Variants in FOXN3 observed in about 807,000 individuals in gnomAD.
The protein encoded by FOXN3 is forkhead box N3.
A neutral mutation model predicts 38.4 loss-of-function variants in FOXN3; 7 were observed. The observed-to-expected ratio is 0.18, with a 90% CI of 0.10 to 0.34. The LOEUF (loss-of-function observed/expected upper bound fraction) is 0.34. Among genes scored for constraint, FOXN3 ranks in the 10% least tolerant of loss-of-function variants. The pLI, the probability that FOXN3 is intolerant of heterozygous loss-of-function variation, is 1.00. For synonymous variants in FOXN3, 230 were observed against 242.2 expected (o/e 0.95, Z 0.47); for missense variants, 456 against 613.4 (o/e 0.74, Z 2.71).
intron 2 of FOXN3, among the ~76,000 whole-genome samples, chr14:89,402,524 CAA>C (rs1395694236): frequency 5.9e-5 from 9 of 152,200 alleles, no homozygotes; most frequent in African/African-American, 1.9e-4. Context: ...ATGGATCAGG[CAA>C]AAGAGTCCAT....
chr14:89,322,041 C>A (rs559916457), intron 3 of FOXN3, among the ~76,000 whole-genome samples: 2 of 152,338 alleles, frequency 1.3e-5, no homozygotes, highest in Non-Finnish European at 2.9e-5. Flanking sequence ...GATACTGCAA[C>A]CCTCTTTGGG....
intron 1 of FOXN3, among the ~76,000 whole-genome samples, chr14:89,564,752 G>A (rs2139884671): frequency 6.6e-6 from 1 of 151,978 alleles, no homozygotes; most frequent in South Asian, 2.1e-4. Context: ...TAGTTAAGAT[G>A]AGGTCATCCC....
intron 3 of FOXN3, among the ~76,000 whole-genome samples, chr14:89,294,527 C>T (rs879836242): frequency 1.3e-5 from 2 of 152,158 alleles, no homozygotes; most frequent in African/African-American, 2.4e-5. Flanking sequence ...GGGCTGCCTA[C>T]CCAGATGGTG....
intron 5 of FOXN3, among the ~76,000 whole-genome samples, chr14:89,171,915 GA>G (rs577127112): frequency 3.3e-5 from 5 of 151,990 alleles, no homozygotes; most frequent in East Asian, 1.9e-4. Flanking sequence ...AATAATTAGG[GA>G]AAAAAACCCC....
intron 3 of FOXN3, among the ~76,000 whole-genome samples, chr14:89,291,857 G>C (rs568084322): frequency 6.6e-6 from 1 of 152,250 alleles, no homozygotes; most frequent in East Asian, 1.9e-4. Context: ...ACTGTGGATG[G>C]TAAGATGCTC....
At chr14:89,195,825 G>A (rs1888085025) in intron 4 of FOXN3, among the ~76,000 whole-genome samples, 5 of 152,130 alleles carry the variant, frequency 3.3e-5, no homozygotes, top group Admixed American at 2.6e-4. Flanking sequence ...TGGATGGGCA[G>A]GGTCCTCCCA....
At chr14:89,586,847 C>CA (rs2139919569) in intron 1 of FOXN3, among the ~76,000 whole-genome samples, 1 of 151,998 alleles carries the variant, frequency 6.6e-6, no homozygotes, top group African/African-American at 2.4e-5. Context: ...CCTATCAATG[C>CA]AAAAAGGGAA....
chr14:89,198,717 A>G (rs1888159824), intron 4 of FOXN3, among the ~76,000 whole-genome samples: 1 of 152,214 alleles, frequency 6.6e-6, no homozygotes, highest in Admixed American at 6.5e-5. Flanking sequence ...GCTGCTCAAC[A>G]TTCTACAGCG....
At chr14:89,440,394 G>A (rs1347589069) in intron 1 of FOXN3, among the ~76,000 whole-genome samples, 7 of 152,230 alleles carry the variant, frequency 4.6e-5, no homozygotes, top group Admixed American at 6.5e-5. Flanking sequence ...CCAAGCCATC[G>A]CATCCCCTGT....
intron 1 of FOXN3, among the ~76,000 whole-genome samples, chr14:89,557,985 G>A (rs143520804): frequency 2.6e-5 from 4 of 152,230 alleles, no homozygotes; most frequent in Middle Eastern, 3.4e-3. Flanking sequence ...CAGCCTAGGC[G>A]ACAGGGCAAG....
At chr14:89,461,259 C>G (rs1299716689) in intron 1 of FOXN3, among the ~76,000 whole-genome samples, 1 of 151,878 alleles carries the variant, frequency 6.6e-6, no homozygotes, top group African/African-American at 2.4e-5. Flanking sequence ...ATCGCTTGAA[C>G]CTGGGATGTG....
intron 1 of FOXN3, among the ~76,000 whole-genome samples, chr14:89,526,641 A>G (rs1448686488): frequency 6.6e-6 from 1 of 152,220 alleles, no homozygotes; most frequent in Non-Finnish European, 1.5e-5. Flanking sequence ...TGTTCATGGA[A>G]GATTCACTAT....
intron 1 of FOXN3, among the ~76,000 whole-genome samples, chr14:89,415,115 C>T (rs1184418114): frequency 6.6e-6 from 1 of 152,144 alleles, no homozygotes; most frequent in African/African-American, 2.4e-5. Flanking sequence ...CAGATCCCAT[C>T]AGAAAATTTT....
chr14:89,511,862 A>G (rs907086551), intron 1 of FOXN3, among the ~76,000 whole-genome samples: 5 of 152,324 alleles, frequency 3.3e-5, no homozygotes, highest in African/African-American at 9.6e-5. Flanking sequence ...AACAAGAAGA[A>G]TAAGTGCCCA....
chr14:89,466,698 A>T (rs1892980260), intron 1 of FOXN3, among the ~76,000 whole-genome samples: 1 of 152,148 alleles, frequency 6.6e-6, no homozygotes, highest in South Asian at 2.1e-4. Flanking sequence ...CTCCCTAACT[A>T]AAGCCACCCC....
At position 89,269,687 on chromosome 14, in the gene FOXN3, C is replaced by T. The variant is rs1007010118; in HGVS notation, c.745+11263G>A. ...CCTTCAACTGGGCCTGAGCAAGTGCCGGAGAGGTGGCCTTTTGACATTGGA... is the reference window on the plus strand; with the variant it reads ...CCTTCAACTGGGCCTGAGCAAGTGCTGGAGAGGTGGCCTTTTGACATTGGA... On this transcript the variant is annotated intron_variant, in intron 4 of 5. Transcript: ENST00000557258. Among the ~76,000 whole-genome samples, 14 of 152,148 alleles carry T rather than the reference C, an allele frequency of 9.2e-5. No individual in the cohort carries two copies. In the East Asian group the frequency reaches 1.4e-3, roughly 15 times the overall value.
At chr14:89,311,403 C>T (rs1321594383) in intron 3 of FOXN3, among the ~76,000 whole-genome samples, 5 of 131,956 alleles carry the variant, frequency 3.8e-5, no homozygotes, top group Non-Finnish European at 7.7e-5. Context: ...ACTTGGGAGG[C>T]GGAGGTTGCA....
chr14:89,559,730 TA>T (rs1482333821), intron 1 of FOXN3, among the ~76,000 whole-genome samples: 4 of 152,078 alleles, frequency 2.6e-5, no homozygotes, highest in African/African-American at 4.8e-5. Flanking sequence ...AACTTGTTTG[TA>T]AAAACAGTAT....
chr14:89,277,138 T>C (rs1038711911), intron 4 of FOXN3, among the ~76,000 whole-genome samples: 1 of 152,016 alleles, frequency 6.6e-6, no homozygotes, highest in Non-Finnish European at 1.5e-5. Flanking sequence ...TGGGAAAATA[T>C]AAAAAAGACT....
Sources: gnomAD v4.1 joint callset for allele counts (sites outside exome capture counted in the v4.1 genomes callset) on GRCh38, gnomAD v4.1.1 for gene constraint, MANE v1.5 for transcripts, NCBI Gene and HGNC (gene_info 2026-07-23, HGNC 2026-07-21) for gene names.